RAB2A: variants seen among roughly 807,000 people sequenced by gnomAD.
RAB2A encodes the protein RAB2A, member RAS oncogene family.
In RAB2A, 7 loss-of-function variants were observed where a neutral mutation model predicts 32.5. That is an observed-to-expected ratio of 0.22 (90% CI 0.12 to 0.40). The LOEUF is 0.40. RAB2A is among the 10% of genes least tolerant of loss of function. The pLI, the probability that RAB2A is intolerant of heterozygous loss-of-function variation, is 1.00. For synonymous variants in RAB2A, 79 were observed against 85.2 expected (o/e 0.93, Z 0.40); for missense variants, 108 against 260.7 (o/e 0.41, Z 4.03).
intron 2 of RAB2A, among the ~76,000 whole-genome samples, chr8:60,566,752 C>A (rs1222295761): frequency 6.6e-6 from 1 of 152,170 alleles, no homozygotes; most frequent in Non-Finnish European, 1.5e-5. Context: ...TCATCCCTTA[C>A]CCCCTTCCCA....
At chr8:60,573,155 G>A (rs530903431) in intron 3 of RAB2A, among the ~76,000 whole-genome samples, 2 of 152,212 alleles carry the variant, frequency 1.3e-5, no homozygotes, top group Non-Finnish European at 2.9e-5. Flanking sequence ...CACACTTTGA[G>A]AACCACTGCT....
chr8:60,549,304 G>A (rs966147904), intron 1 of RAB2A, among the ~76,000 whole-genome samples: 1 of 152,206 alleles, frequency 6.6e-6, no homozygotes, highest in Non-Finnish European at 1.5e-5. Context: ...GGAGGTGGAG[G>A]TTGTAGCGAG....
intron 2 of RAB2A, among the ~76,000 whole-genome samples, chr8:60,568,695 G>C (rs1445129450): frequency 6.6e-6 from 1 of 152,180 alleles, no homozygotes; most frequent in Non-Finnish European, 1.5e-5. Context: ...CAGAGTATTT[G>C]ATTGTGGAAG....
At chr8:60,607,996 C>T (rs1451195161) in intron 6 of RAB2A, among the ~76,000 whole-genome samples, 1 of 152,124 alleles carries the variant, frequency 6.6e-6, no homozygotes, top group Non-Finnish European at 1.5e-5. Context: ...TCTCCATTTC[C>T]TTGTTCTTTT....
chr8:60,597,254 A>G (rs1804044407), intron 6 of RAB2A, among the ~76,000 whole-genome samples: 2 of 152,222 alleles, frequency 1.3e-5, no homozygotes, highest in Admixed American at 6.5e-5. Flanking sequence ...ATGGAATACT[A>G]TGCAGCCATA....
chr8:60,606,966 A>T lies in RAB2A; in HGVS notation c.475-11614A>T, dbSNP rs1029985560. On this transcript the variant is annotated intron_variant, in intron 6 of 7. Transcript: ENST00000262646. Reference sequence around the variant, plus strand: ...CGGGGGATGCGTAACATCTCTTAACATACCATGGACTGATGTCTGTGTTAT... The same window carrying T: ...CGGGGGATGCGTAACATCTCTTAACTTACCATGGACTGATGTCTGTGTTAT... Among the ~76,000 whole-genome samples, 25 of 152,154 alleles carry T rather than the reference A, an allele frequency of 1.6e-4. 1 individual carries two copies. The highest frequency in any genetic ancestry group is 1.6e-3 in the Admixed American group (24 of 15,278).
intron 3 of RAB2A, among the ~76,000 whole-genome samples, chr8:60,577,657 T>C (rs1803660707): frequency 6.6e-6 from 1 of 151,256 alleles, no homozygotes; most frequent in South Asian, 2.1e-4. Context: ...GGAGTCTCGC[T>C]CTGTCGCCCA....
At chr8:60,570,945 G>A (rs1808189171) in intron 2 of RAB2A, among the ~76,000 whole-genome samples, 1 of 152,154 alleles carries the variant, frequency 6.6e-6, no homozygotes, top group African/African-American at 2.4e-5. Flanking sequence ...ATGACATTTG[G>A]TTTCTGGGGA....
intron 5 of RAB2A, among the ~76,000 whole-genome samples, chr8:60,586,801 C>T (rs1056924207): frequency 2.0e-5 from 3 of 151,932 alleles, no homozygotes; most frequent in Admixed American, 6.6e-5. Context: ...TGCTGGCACA[C>T]GCCTTTAGCT....
chr8:60,588,786 T>G (rs1803887494), intron 5 of RAB2A, among the ~76,000 whole-genome samples: 1 of 152,200 alleles, frequency 6.6e-6, no homozygotes, highest in Non-Finnish European at 1.5e-5. Context: ...TACAACTTCT[T>G]TTATGTCTGT....
intron 1 of RAB2A, among the ~76,000 whole-genome samples, chr8:60,543,819 G>T (rs1807683574): frequency 6.6e-6 from 1 of 152,144 alleles, no homozygotes; most frequent in Non-Finnish European, 1.5e-5. Context: ...CACTTTGGGA[G>T]GCTAAGGCAG....
intron 1 of RAB2A, among the ~76,000 whole-genome samples, chr8:60,519,654 C>G (rs1807271317): frequency 6.6e-6 from 1 of 152,132 alleles, no homozygotes; most frequent in African/African-American, 2.4e-5. Context: ...ATAGGCACCT[C>G]TATTATGTAG....
intron 1 of RAB2A, among the ~76,000 whole-genome samples, chr8:60,547,681 G>T (rs1807760167): frequency 8.1e-6 from 1 of 123,518 alleles, no homozygotes; most frequent in Non-Finnish European, 1.8e-5. Context: ...CTCCCGGACG[G>T]GGCGGCTGGC....
chr8:60,593,981 G>GA (rs955632625), intron 6 of RAB2A, among the ~76,000 whole-genome samples: 57 of 150,576 alleles, frequency 3.8e-4, no homozygotes, highest in African/African-American at 1.2e-3. Context: ...TTGTACACTA[G>GA]AAAAAAAAAC....
intron 1 of RAB2A, among the ~76,000 whole-genome samples, chr8:60,519,152 GT>G (rs11300228): frequency 0.99 from 150,452 of 152,290 alleles, 74,325 homozygotes; most frequent in East Asian, 1. Context: ...TCTTGACACT[GT>G]TATAGTCTGC....
At chr8:60,558,308 T>C (rs1807968589) in intron 1 of RAB2A, 1 of 418,322 alleles carries the variant, frequency 2.4e-6, no homozygotes, top group South Asian at 1.7e-5. Context: ...AATGTGGGAG[T>C]CATTCATGAC....
intron 6 of RAB2A, among the ~76,000 whole-genome samples, chr8:60,606,950 C>G (rs138322877): frequency 1.6e-3 from 243 of 152,224 alleles, no homozygotes; most frequent in African/African-American, 4.5e-3. Flanking sequence ...GCGGGGGATG[C>G]GTAACATCTC....
At chr8:60,529,540 A>G (rs1184787804) in intron 1 of RAB2A, among the ~76,000 whole-genome samples, 1 of 151,948 alleles carries the variant, frequency 6.6e-6, no homozygotes, top group Non-Finnish European at 1.5e-5. Context: ...GTTTCCCTTC[A>G]TTTGTTTCTT....
At chr8:60,522,521 T>A (rs1807316607) in intron 1 of RAB2A, among the ~76,000 whole-genome samples, 1 of 152,100 alleles carries the variant, frequency 6.6e-6, no homozygotes, top group Admixed American at 6.5e-5. Flanking sequence ...TACTTTCTTT[T>A]TTAAAAAAAA....
Sources: gnomAD v4.1 joint callset for allele counts (sites outside exome capture counted in the v4.1 genomes callset) on GRCh38, gnomAD v4.1.1 for gene constraint, MANE v1.5 for transcripts, NCBI Gene and HGNC (gene_info 2026-07-23, HGNC 2026-07-21) for gene names.